The following B3GALT1 variants were observed in gnomAD, a reference collection of about 807,000 sequenced individuals.
The protein encoded by B3GALT1 is UDP-Gal:betaGlcNAc beta 1,3-galactosyltransferase, polypeptide 1.
Under a neutral mutation model 23.2 loss-of-function variants are expected in B3GALT1, and 10 were observed. That is an observed-to-expected ratio of 0.43 (90% CI 0.27 to 0.73). The LOEUF (loss-of-function observed/expected upper bound fraction) is 0.73. B3GALT1 is among the 30% of genes least tolerant of loss of function. The probability of loss-of-function intolerance (pLI) is 0.21; values close to 1 mark genes in which losing one functional copy is unlikely to be tolerated. For synonymous variants in B3GALT1, 156 were observed against 141.5 expected (o/e 1.10, Z -0.73); for missense variants, 299 against 405.4 (o/e 0.74, Z 2.25).
At chr2:167,514,327 A>G (rs976523369) in intron 2 of B3GALT1, among the ~76,000 whole-genome samples, 1 of 152,246 alleles carries the variant, frequency 6.6e-6, no homozygotes, top group Admixed American at 6.5e-5. Context: ...TAAAAGAAAA[A>G]TGTTTGGAAC....
At chr2:167,616,344 G>C (rs1485895757) in intron 2 of B3GALT1, among the ~76,000 whole-genome samples, 1 of 151,952 alleles carries the variant, frequency 6.6e-6, no homozygotes, top group Non-Finnish European at 1.5e-5. Context: ...CTGCCCTGGG[G>C]AAACTATTAA....
chr2:167,794,560 A>G (rs906175394), intron 3 of B3GALT1, among the ~76,000 whole-genome samples: 2 of 152,348 alleles, frequency 1.3e-5, no homozygotes, highest in South Asian at 2.1e-4. Context: ...CCAACCTAAC[A>G]GAACAGAAAA....
chr2:167,409,028 A>C (rs1698353802), intron 1 of B3GALT1, among the ~76,000 whole-genome samples: 1 of 152,166 alleles, frequency 6.6e-6, no homozygotes, highest in Admixed American at 6.5e-5. Flanking sequence ...AAACTCCTAA[A>C]ATTTATCTGG....
At chr2:167,704,038 G>C (rs560338813) in intron 3 of B3GALT1, among the ~76,000 whole-genome samples, 2 of 151,944 alleles carry the variant, frequency 1.3e-5, no homozygotes, top group African/African-American at 4.8e-5. Context: ...AAAATTAGCC[G>C]GGTGTGGTAT....
chr2:167,375,992 G>A (rs2105272800), intron 1 of B3GALT1, among the ~76,000 whole-genome samples: 1 of 152,238 alleles, frequency 6.6e-6, no homozygotes, highest in South Asian at 2.1e-4. Context: ...TTTGAGGTAT[G>A]TTCTTTCATT....
chr2:167,375,615 A>G (rs746408120), intron 1 of B3GALT1, among the ~76,000 whole-genome samples: 2 of 151,964 alleles, frequency 1.3e-5, no homozygotes, highest in Non-Finnish European at 2.9e-5. Context: ...AAATGGGATT[A>G]TGTTCTTGAT....
chr2:167,594,197 T>A (rs1433687165), intron 2 of B3GALT1, among the ~76,000 whole-genome samples: 1 of 152,172 alleles, frequency 6.6e-6, no homozygotes, highest in African/African-American at 2.4e-5. Context: ...CTACGTAGTG[T>A]AGATGTCAAA....
chr2:167,576,682 G>A (rs1193180610), intron 2 of B3GALT1, among the ~76,000 whole-genome samples: 1 of 151,546 alleles, frequency 6.6e-6, no homozygotes, highest in Non-Finnish European at 1.5e-5. Context: ...TATCAGAGGA[G>A]CAGTGTTTAT....
chr2:167,345,815 TGG>T (rs1467935082), intron 1 of B3GALT1, among the ~76,000 whole-genome samples: 1 of 152,144 alleles, frequency 6.6e-6, no homozygotes, highest in Non-Finnish European at 1.5e-5. Context: ...GCAATTATGC[TGG>T]GAGTCTTATA....
At chr2:167,455,194 T>G (rs1411962461) in intron 1 of B3GALT1, among the ~76,000 whole-genome samples, 1 of 152,238 alleles carries the variant, frequency 6.6e-6, no homozygotes, top group Non-Finnish European at 1.5e-5. Flanking sequence ...CTAAAAAATA[T>G]GCTCACACAT....
At chr2:167,809,351 A>T (rs1688829982) in intron 3 of B3GALT1, among the ~76,000 whole-genome samples, 1 of 152,214 alleles carries the variant, frequency 6.6e-6, no homozygotes, top group Admixed American at 6.5e-5. Flanking sequence ...TTGGAGGAGG[A>T]GGGGCACTCT....
chr2:167,774,483 T>TA (rs1200543713), intron 3 of B3GALT1, among the ~76,000 whole-genome samples: 1 of 122,102 alleles, frequency 8.2e-6, no homozygotes, highest in Non-Finnish European at 1.6e-5. Flanking sequence ...TTTTTTTTTT[T>TA]TGTTTTTTTT....
At position 167,869,142 on chromosome 2, in the gene B3GALT1, T is replaced by C. The variant is rs1690292330; in HGVS notation, c.103T>C (p.Ser35Pro). ...TCGCCCTACTTCTTCTTACACTGGCTCCAAACCATTCAGCCACCTAACAGT... is the reference window on the plus strand; with the variant it reads ...TCGCCCTACTTCTTCTTACACTGGCCCCAAACCATTCAGCCACCTAACAGT... ...ITRPTSSYTG[S>P]KPFSHLTVAR... Residue 35 changes from serine to proline, a missense_variant, in exon 5 of 5, where the codon TCC (serine) becomes CCC (proline). Physicochemically the swap from Ser to Pro is moderately conservative, Grantham distance 74. This residue lies in a region of B3GALT1 where 162 missense variants were observed against 184.1 expected (regional missense o/e 0.88). Transcript: ENST00000392690. This position sits in a 1 kb window ranked among gnomAD's most constrained non-coding sequence, Gnocchi z 6.4. 1.2e-6 allele frequency: 2 copies of C among 1,614,154 alleles called. No individual in the cohort carries two copies. Among genetic ancestry groups the C allele is most frequent in the Middle Eastern group, 1.6e-4 (1 of 6,062 alleles).
At chr2:167,404,507 T>A (rs1193948111) in intron 1 of B3GALT1, among the ~76,000 whole-genome samples, 1 of 152,212 alleles carries the variant, frequency 6.6e-6, no homozygotes, top group Non-Finnish European at 1.5e-5. Context: ...GTTTCCTTTC[T>A]ATTCAGTATA....
chr2:167,611,130 CT>C (rs1685058030), intron 2 of B3GALT1, among the ~76,000 whole-genome samples: 1 of 151,724 alleles, frequency 6.6e-6, no homozygotes, highest in Non-Finnish European at 1.5e-5. Context: ...ACCTGTACCC[CT>C]GAACCTAAAA....
intron 1 of B3GALT1, among the ~76,000 whole-genome samples, chr2:167,299,212 C>T (rs1358798960): frequency 6.6e-6 from 1 of 152,170 alleles, no homozygotes; most frequent in Non-Finnish European, 1.5e-5. Flanking sequence ...AACAGTAAGT[C>T]ATGTGGGTAA....
At chr2:167,558,676 T>C (rs568976180) in intron 2 of B3GALT1, among the ~76,000 whole-genome samples, 3 of 152,162 alleles carry the variant, frequency 2.0e-5, no homozygotes, top group South Asian at 2.1e-4. Flanking sequence ...GGCTCGGAGG[T>C]TCCTACGCCC....
At chr2:167,625,513 C>T (rs571995501) in intron 2 of B3GALT1, among the ~76,000 whole-genome samples, 91 of 151,594 alleles carry the variant, frequency 6.0e-4, no homozygotes, top group Non-Finnish European at 4.4e-5. Context: ...TTGAAAAGGC[C>T]GACTGTCAGA....
At chr2:167,572,185 A>G (rs754396226) in intron 2 of B3GALT1, among the ~76,000 whole-genome samples, 3 of 151,868 alleles carry the variant, frequency 2.0e-5, no homozygotes, top group Non-Finnish European at 2.9e-5. Flanking sequence ...TTATTAATAC[A>G]TACAGGCTAT....
Sources: gnomAD v4.1 joint callset for allele counts (sites outside exome capture counted in the v4.1 genomes callset) on GRCh38, gnomAD v4.1.1 for gene constraint, gnomAD v4.1.1 regional missense constraint, Gnocchi (gnomAD v3.1) non-coding constraint, MANE v1.5 for transcripts, NCBI Gene and HGNC (gene_info 2026-07-23, HGNC 2026-07-21) for gene names.